The following GPR158 variants were observed in gnomAD, a reference collection of about 807,000 sequenced individuals.
GPR158 encodes the protein metabotropic glycine receptor.
A neutral mutation model predicts 78.2 loss-of-function variants in GPR158; 30 were observed. The observed-to-expected ratio is 0.38, with a 90% CI of 0.29 to 0.52. The LOEUF (loss-of-function observed/expected upper bound fraction) is 0.52. Ranked by LOEUF, GPR158 falls within the 20% of genes least tolerant of loss-of-function variation. The probability of loss-of-function intolerance (pLI) is 0.83; values close to 1 mark genes in which losing one functional copy is unlikely to be tolerated. For synonymous variants in GPR158, 581 were observed against 591.1 expected, an observed-to-expected ratio of 0.98 and a Z score of 0.25; for missense variants, 1,463 against 1,523.5, an observed-to-expected ratio of 0.96 and a Z score of 0.66.
At chr10:25,310,805 T>C (rs1385938555) in intron 2 of GPR158, among the ~76,000 whole-genome samples, 1 of 152,068 alleles carries the variant, frequency 6.6e-6, no homozygotes, top group African/African-American at 2.4e-5. Context: ...ACAACCAGTT[T>C]ATGCTAGAAT....
chr10:25,356,219 A>C (rs1855547904), intron 2 of GPR158, among the ~76,000 whole-genome samples: 1 of 151,944 alleles, frequency 6.6e-6, no homozygotes, highest in Non-Finnish European at 1.5e-5. Context: ...ATGTACTCAG[A>C]GTTTTTTCAC....
intron 2 of GPR158, among the ~76,000 whole-genome samples, chr10:25,238,387 T>C (rs541838239): frequency 1.1e-4 from 16 of 152,258 alleles, no homozygotes; most frequent in Non-Finnish European, 2.2e-4. Flanking sequence ...TTTTACAGTA[T>C]GATTGTAATG....
At chr10:25,411,730 T>C (rs1834586772) in intron 3 of GPR158, among the ~76,000 whole-genome samples, 2 of 151,642 alleles carry the variant, frequency 1.3e-5, no homozygotes, top group Admixed American at 6.6e-5. Context: ...GGTCCGGAGA[T>C]CGAGACCATT....
Position 25,572,888 on chromosome 10 carries a change from G to T in GPR158, c.1753+1G>T, listed in dbSNP as rs772727646. 1 of 1,516,774 alleles carries T rather than the reference G, an allele frequency of 6.6e-7. No homozygotes were observed. The highest frequency in any genetic ancestry group is 1.1e-5 in the South Asian group (1 of 89,222). The allele number at this position is 1,516,774 out of a possible 1,614,324, so 94.0% of individuals were successfully genotyped here. A position where few individuals can be genotyped will look rare whatever the true frequency, so the allele number is the denominator to read the frequency against. ...CGCTGGGACTACATGACAGCAGTTG[G>T]TATGTGGTCACTTGTTTCGTATGAT... On this transcript the variant is annotated splice_donor_variant, in intron 7 of 10. Coordinates refer to ENST00000376351, the MANE Select transcript of GPR158 (RefSeq NM_020752.3). LOFTEE classifies it high-confidence loss of function.
At chr10:25,314,653 T>G (rs115120877) in intron 2 of GPR158, among the ~76,000 whole-genome samples, 2,930 of 151,490 alleles carry the variant, frequency 0.019, 75 homozygotes, top group African/African-American at 0.057. Context: ...TGTTGTTTTT[T>G]TTTTAGCTTT....
intron 2 of GPR158, among the ~76,000 whole-genome samples, chr10:25,221,791 G>C (rs1259580354): frequency 6.6e-6 from 1 of 152,198 alleles, no homozygotes; most frequent in Non-Finnish European, 1.5e-5. Flanking sequence ...TGACATACTA[G>C]TGATTTCATT....
At chr10:25,244,148 AAAAT>A (rs947787646) in intron 2 of GPR158, 31 of 152,196 alleles carry the variant, frequency 2.0e-4, no homozygotes, top group African/African-American at 7.2e-4. Flanking sequence ...TAGGCTTGCA[AAAAT>A]AAATAAACCC....
At chr10:25,342,747 A>G (rs954470042) in intron 2 of GPR158, among the ~76,000 whole-genome samples, 9 of 151,376 alleles carry the variant, frequency 5.9e-5, no homozygotes, top group African/African-American at 2.2e-4. Context: ...ATACATATCA[A>G]TTATAATGCA....
chr10:25,515,616 G>A (rs1394127051), intron 5 of GPR158, among the ~76,000 whole-genome samples: 8 of 115,970 alleles, frequency 6.9e-5, no homozygotes, highest in Non-Finnish European at 3.9e-5. Context: ...GAGAATATGC[G>A]GTGTTTGGTT....
In GPR158 at chr10:25,601,210, A is replaced by C. The variant is rs930098933; in HGVS notation, c.*1936A>C. On this transcript the variant is annotated 3_prime_UTR_variant, in exon 11 of 11. Transcript: ENST00000376351. ...GTGATTTTTTTATTCAGGAGTAAGCAAGCACTTCACTGTTTCACAAAGCTG... is the reference window on the plus strand; with the variant it reads ...GTGATTTTTTTATTCAGGAGTAAGCCAGCACTTCACTGTTTCACAAAGCTG... 6.6e-5 allele frequency: 10 copies of C among 152,622 alleles called. No individual in the cohort carries two copies. Among genetic ancestry groups the C allele is most frequent in the African/African-American group, 2.4e-4 (10 of 41,450 alleles). 9.5% of individuals were successfully genotyped at this position (152,622 alleles called of 1,614,324 possible).
chr10:25,472,840 T>G (rs537141438), intron 5 of GPR158, among the ~76,000 whole-genome samples: 4 of 152,356 alleles, frequency 2.6e-5, no homozygotes, highest in South Asian at 2.1e-4. Context: ...CTTATCAGCT[T>G]ACGGAGATTT....
intron 6 of GPR158, among the ~76,000 whole-genome samples, chr10:25,570,909 G>A (rs1042626212): frequency 1.3e-5 from 2 of 152,000 alleles, no homozygotes; most frequent in Non-Finnish European, 2.9e-5. Flanking sequence ...GACAAAGTGA[G>A]ACTCCATCTT....
chr10:25,208,338 C>T (rs1252670030), intron 1 of GPR158, among the ~76,000 whole-genome samples: 2 of 152,108 alleles, frequency 1.3e-5, no homozygotes, highest in Non-Finnish European at 2.9e-5. Flanking sequence ...AACTTTGTCT[C>T]AATTACCTAC....
chr10:25,315,131 A>G (rs1375792205), intron 2 of GPR158, among the ~76,000 whole-genome samples: 2 of 151,932 alleles, frequency 1.3e-5, no homozygotes, highest in Admixed American at 6.6e-5. Context: ...AGTTTGATAT[A>G]TATCCATAAT....
At chr10:25,577,723 A>G (rs1215284517) in intron 7 of GPR158, among the ~76,000 whole-genome samples, 1 of 152,238 alleles carries the variant, frequency 6.6e-6, no homozygotes, top group Non-Finnish European at 1.5e-5. Flanking sequence ...GAAAAATCTC[A>G]GAACCTAAAA....
intron 2 of GPR158, among the ~76,000 whole-genome samples, chr10:25,341,983 A>G (rs1477260456): frequency 6.6e-6 from 1 of 152,002 alleles, no homozygotes; most frequent in East Asian, 1.9e-4. Context: ...GGATTAATTG[A>G]CAGAGTTCCT....
At chr10:25,455,279 T>C (rs924622041) in intron 4 of GPR158, among the ~76,000 whole-genome samples, 19 of 152,192 alleles carry the variant, frequency 1.2e-4, no homozygotes, top group Admixed American at 4.6e-4. Context: ...TTTGGAGTTA[T>C]TAGTTTAGAA....
intron 2 of GPR158, among the ~76,000 whole-genome samples, chr10:25,357,718 A>G (rs1271378556): frequency 2.0e-5 from 3 of 152,112 alleles, no homozygotes; most frequent in Non-Finnish European, 2.9e-5. Flanking sequence ...GAAGTTTGCT[A>G]CAGGGGCGGG....
At chr10:25,556,000 AT>A (rs781469314) in intron 6 of GPR158, among the ~76,000 whole-genome samples, 1 of 152,188 alleles carries the variant, frequency 6.6e-6, no homozygotes, top group Non-Finnish European at 1.5e-5. Flanking sequence ...ACTGGAAGAC[AT>A]TTACATTTAT....
Sources: gnomAD v4.1 joint callset for allele counts (sites outside exome capture counted in the v4.1 genomes callset) on GRCh38, gnomAD v4.1.1 for gene constraint, MANE v1.5 for transcripts, NCBI Gene and HGNC (gene_info 2026-07-23, HGNC 2026-07-21) for gene names.